MACROD2: variants seen among roughly 807,000 people sequenced by gnomAD.
The protein encoded by MACROD2 is ADP-ribose glycohydrolase MACROD2.
Under a neutral mutation model 70.4 loss-of-function variants are expected in MACROD2, and 36 were observed. The ratio of observed to expected loss-of-function variants is 0.51; its 90% CI spans 0.39 to 0.68. The LOEUF is 0.68. Among genes scored for constraint, MACROD2 ranks in the 30% least tolerant of loss-of-function variants. The probability of loss-of-function intolerance (pLI) is 0.00; values close to 1 mark genes in which losing one functional copy is unlikely to be tolerated. For missense variants in MACROD2, 496 were observed against 538.4 expected (o/e 0.92, Z 0.78); for synonymous variants, 172 against 178.8 (o/e 0.96, Z 0.30).
At chr20:14,640,308 G>A (rs6033994) in intron 4 of MACROD2, among the ~76,000 whole-genome samples, 50,059 of 152,068 alleles carry the variant, frequency 0.33, 11,804 homozygotes, top group African/African-American at 0.66. Flanking sequence ...TGTGATTTCT[G>A]CTGTTGACAT....
intron 5 of MACROD2, among the ~76,000 whole-genome samples, chr20:14,838,099 A>G (rs2073049836): frequency 6.6e-6 from 1 of 152,056 alleles, no homozygotes; most frequent in Non-Finnish European, 1.5e-5. Flanking sequence ...CTTGATATGA[A>G]TTTGTTGTAA....
intron 4 of MACROD2, among the ~76,000 whole-genome samples, chr20:14,652,741 A>G (rs1365721043): frequency 1.3e-5 from 2 of 152,150 alleles, no homozygotes; most frequent in Admixed American, 1.3e-4. Context: ...AGGAAAATAG[A>G]TCTTTTCTGT....
intron 5 of MACROD2, among the ~76,000 whole-genome samples, chr20:15,106,688 TTGA>T: frequency 6.6e-6 from 1 of 152,148 alleles, no homozygotes; most frequent in Non-Finnish European, 1.5e-5. Flanking sequence ...GTTTGCATTG[TTGA>T]TATGTCTTCT....
intron 5 of MACROD2, among the ~76,000 whole-genome samples, chr20:14,949,077 G>A (rs536627063): frequency 7.2e-5 from 11 of 152,172 alleles, no homozygotes; most frequent in African/African-American, 2.6e-4. Flanking sequence ...TTTTCACTTC[G>A]ATATCCACTC....
At chr20:15,220,158 T>A (rs969045306) in intron 5 of MACROD2, among the ~76,000 whole-genome samples, 2 of 152,200 alleles carry the variant, frequency 1.3e-5, no homozygotes, top group Non-Finnish European at 2.9e-5. Flanking sequence ...TTTTCAGCTC[T>A]ATAAAATGTA....
In MACROD2 at chr20:15,669,824, G is replaced by A. The variant is rs754285818; in HGVS notation, c.645+169977G>A. ...GAGTTTAGAACCAGGGGCACAAAGG[G>A]CAGGTGGGAGAATAGGCTGGGGGAA... On this transcript the variant is annotated intron_variant, in intron 8 of 17. Transcript: ENST00000684519. Among the ~76,000 whole-genome samples, 5 of 152,208 alleles carry A rather than the reference G, an allele frequency of 3.3e-5. No homozygotes were observed. The South Asian group carries it at 8.3e-4, about 25-fold the overall frequency.
At chr20:15,315,314 G>T (rs1351121249) in intron 6 of MACROD2, among the ~76,000 whole-genome samples, 1 of 152,098 alleles carries the variant, frequency 6.6e-6, no homozygotes, top group Non-Finnish European at 1.5e-5. Context: ...TCCATATTTG[G>T]TAAGATGTAA....
At chr20:14,233,457 C>T (rs2081837804) in intron 3 of MACROD2, among the ~76,000 whole-genome samples, 1 of 151,672 alleles carries the variant, frequency 6.6e-6, no homozygotes, top group Admixed American at 6.6e-5. Context: ...CTTTGGGAGG[C>T]CAAGGTGGGA....
chr20:14,084,188 AT>A (rs1218863064), intron 2 of MACROD2, among the ~76,000 whole-genome samples: 40 of 146,634 alleles, frequency 2.7e-4, no homozygotes, highest in Middle Eastern at 7.2e-3. Context: ...TCTTGGCCAA[AT>A]TTTTTTTTTT....
At chr20:14,975,489 G>T (rs1242868335) in intron 5 of MACROD2, among the ~76,000 whole-genome samples, 1 of 152,040 alleles carries the variant, frequency 6.6e-6, no homozygotes, top group African/African-American at 2.4e-5. Context: ...AGGGAAGCAG[G>T]GTACCTTCGA....
intron 5 of MACROD2, among the ~76,000 whole-genome samples, chr20:14,807,035 C>T (rs2072647761): frequency 6.6e-6 from 1 of 152,132 alleles, no homozygotes; most frequent in South Asian, 2.1e-4. Flanking sequence ...TTAAACGTTC[C>T]TTCCTGCCTG....
At chr20:14,457,465 A>T (rs1311673457) in intron 3 of MACROD2, among the ~76,000 whole-genome samples, 1 of 152,164 alleles carries the variant, frequency 6.6e-6, no homozygotes, top group Non-Finnish European at 1.5e-5. Context: ...ACTGGCTATG[A>T]CATAGCAAAG....
At chr20:14,695,505 T>C (rs369758305) in intron 5 of MACROD2, among the ~76,000 whole-genome samples, 134 of 152,332 alleles carry the variant, frequency 8.8e-4, no homozygotes, top group Non-Finnish European at 1.3e-3. Flanking sequence ...GGCATAACTA[T>C]CTGGAGTCAC....
chr20:15,362,308 T>C (rs1354324400), intron 6 of MACROD2, among the ~76,000 whole-genome samples: 4 of 152,150 alleles, frequency 2.6e-5, no homozygotes, highest in Admixed American at 2.0e-4. Context: ...TCTTCCTTAT[T>C]GATCTGTATG....
chr20:15,281,941 G>A (rs1457092405), intron 6 of MACROD2, among the ~76,000 whole-genome samples: 1 of 152,216 alleles, frequency 6.6e-6, no homozygotes, highest in Non-Finnish European at 1.5e-5. Context: ...CATACACCCT[G>A]TGAAATCTAG....
chr20:14,982,397 T>C (rs2074808907), intron 5 of MACROD2, among the ~76,000 whole-genome samples: 1 of 152,170 alleles, frequency 6.6e-6, no homozygotes, highest in South Asian at 2.1e-4. Flanking sequence ...TGAATGTTAA[T>C]CACCAAGACA....
intron 12 of MACROD2, among the ~76,000 whole-genome samples, chr20:15,962,561 T>A (rs1302804016): frequency 1.3e-5 from 2 of 152,188 alleles, no homozygotes; most frequent in East Asian, 3.8e-4. Context: ...CTAATAGAAA[T>A]CAAATTAATT....
chr20:15,624,219 C>T (rs1276569259), intron 8 of MACROD2, among the ~76,000 whole-genome samples: 1 of 152,192 alleles, frequency 6.6e-6, no homozygotes, highest in East Asian at 1.9e-4. Context: ...TGCCAGAAGA[C>T]TCAGCAAGCC....
intron 6 of MACROD2, among the ~76,000 whole-genome samples, chr20:15,430,000 A>G (rs1397838581): frequency 6.6e-6 from 1 of 152,060 alleles, no homozygotes; most frequent in Non-Finnish European, 1.5e-5. Context: ...TTTAGCTACC[A>G]CTAAAATGAG....
Sources: allele counts gnomAD v4.1 joint callset (sites outside exome capture counted in the v4.1 genomes callset), GRCh38; gene constraint gnomAD v4.1.1; transcripts MANE v1.5; gene names NCBI Gene and HGNC (gene_info 2026-07-23, HGNC 2026-07-21).